DOK6: variants seen among roughly 807,000 people sequenced by gnomAD.
DOK6 encodes docking protein 6, also known as downstream of tyrosine kinase 6.
DOK6 carries 22 observed loss-of-function variants against 44.0 expected under a neutral mutation model. That is an observed-to-expected ratio of 0.50 (90% CI 0.36 to 0.71). The LOEUF (loss-of-function observed/expected upper bound fraction) is 0.71, where lower values mean the gene tolerates loss of function less well. Ranked by LOEUF, DOK6 falls within the 30% of genes least tolerant of loss-of-function variation. The pLI, the probability that DOK6 is intolerant of heterozygous loss-of-function variation, is 0.00. For synonymous variants in DOK6, 166 were observed against 145.5 expected (o/e 1.14, Z -1.01); for missense variants, 340 against 416.4 (o/e 0.82, Z 1.60).
At chr18:69,466,081 A>G (rs1201136409) in intron 1 of DOK6, among the ~76,000 whole-genome samples, 1 of 152,168 alleles carries the variant, frequency 6.6e-6, no homozygotes, top group East Asian at 1.9e-4. Flanking sequence ...TATTAACTGT[A>G]GTTACCATGC....
intron 1 of DOK6, among the ~76,000 whole-genome samples, chr18:69,507,302 C>T (rs1486149326): frequency 2.6e-5 from 4 of 152,120 alleles, no homozygotes; most frequent in Non-Finnish European, 5.9e-5. Flanking sequence ...GCTGGGATTA[C>T]AGGCGTGAGC....
chr18:69,629,797 G>C (rs888342712), intron 3 of DOK6, among the ~76,000 whole-genome samples: 2 of 125,728 alleles, frequency 1.6e-5, no homozygotes, highest in African/African-American at 3.0e-5. Context: ...TTGTTTGTTT[G>C]TTTGTTTGTT....
rs368378407 is a variant in DOK6 at position 69,418,888 on chromosome 18, C to CT, written c.66+17585dup. Among the ~76,000 whole-genome samples, 355 of 152,116 alleles carry CT rather than the reference C, an allele frequency of 2.3e-3. 3 individuals carry two copies. The highest frequency in any genetic ancestry group is 8.2e-3 in the African/African-American group (339 of 41,510). ...CTAAGAAATAGTAGTGGGGAAAAAACTTTTTTTGCCTAAGTACATGTATTT... is the reference window on the plus strand; with the variant it reads ...CTAAGAAATAGTAGTGGGGAAAAAACTTTTTTTTGCCTAAGTACATGTATTT... On this transcript the variant is annotated intron_variant, in intron 1 of 7. Transcript: ENST00000382713.
intron 3 of DOK6, among the ~76,000 whole-genome samples, chr18:69,641,146 C>T (rs976402404): frequency 1.3e-5 from 2 of 150,920 alleles, no homozygotes; most frequent in African/African-American, 4.9e-5. Context: ...ACCTGGGAGG[C>T]GGATGTTGCA....
chr18:69,758,773 G>T (rs1438990792), intron 7 of DOK6, among the ~76,000 whole-genome samples: 2 of 152,292 alleles, frequency 1.3e-5, no homozygotes, highest in South Asian at 4.1e-4. Flanking sequence ...GTATGACCAA[G>T]TATGACCCTC....
chr18:69,624,034 C>T (rs969882116), intron 3 of DOK6, among the ~76,000 whole-genome samples: 3 of 152,182 alleles, frequency 2.0e-5, no homozygotes, highest in Non-Finnish European at 2.9e-5. Context: ...TGGCTCTACA[C>T]AACTTCCTCT....
At chr18:69,517,294 C>T (rs967505743) in intron 1 of DOK6, among the ~76,000 whole-genome samples, 3 of 152,054 alleles carry the variant, frequency 2.0e-5, no homozygotes, top group Non-Finnish European at 4.4e-5. Flanking sequence ...CTCCATATGA[C>T]CATGTGAAAC....
At chr18:69,563,678 C>A (rs1277906893) in intron 1 of DOK6, among the ~76,000 whole-genome samples, 2 of 151,310 alleles carry the variant, frequency 1.3e-5, no homozygotes, top group East Asian at 3.9e-4. Context: ...GGAAGGATAG[C>A]ATTAGGAGAT....
intron 2 of DOK6, among the ~76,000 whole-genome samples, chr18:69,571,556 T>C (rs1334271361): frequency 6.6e-6 from 1 of 151,876 alleles, no homozygotes; most frequent in African/African-American, 2.4e-5. Context: ...GCCATGAAAA[T>C]AGTAATCATA....
intron 2 of DOK6, among the ~76,000 whole-genome samples, chr18:69,574,077 A>C (rs761202283): frequency 8.6e-5 from 13 of 151,986 alleles, no homozygotes; most frequent in Non-Finnish European, 1.6e-4. Context: ...GGGAATTGCT[A>C]TTAAGCCCAA....
intron 4 of DOK6, among the ~76,000 whole-genome samples, chr18:69,694,041 A>G (rs960376727): frequency 1.5e-5 from 2 of 129,984 alleles, no homozygotes; most frequent in South Asian, 5.4e-4. Flanking sequence ...CCTGGGCGAC[A>G]GAGCGAGACT....
intron 7 of DOK6, among the ~76,000 whole-genome samples, chr18:69,780,891 C>A (rs933602193): frequency 4.6e-5 from 7 of 152,048 alleles, no homozygotes; most frequent in African/African-American, 1.7e-4. Context: ...TCAATGGACA[C>A]CAAGATGTGG....
intron 1 of DOK6, 62 bp downstream of exon 1, chr18:69,401,372 G>C (rs533047144): frequency 8.8e-5 from 126 of 1,429,300 alleles, no homozygotes; most frequent in East Asian, 8.0e-4. Flanking sequence ...GGCTGCCTGG[G>C]GGGGGGGCAG....
chr18:69,707,410 G>A (rs1986658457), intron 5 of DOK6, among the ~76,000 whole-genome samples: 1 of 152,192 alleles, frequency 6.6e-6, no homozygotes, highest in African/African-American at 2.4e-5. Context: ...TAAGAGGCAA[G>A]AGCTTTACCG....
intron 1 of DOK6, among the ~76,000 whole-genome samples, chr18:69,409,721 C>T (rs533267779): frequency 6.6e-6 from 1 of 152,238 alleles, no homozygotes; most frequent in East Asian, 1.9e-4. Context: ...TTCCCCAAAA[C>T]TATAAAAACT....
At chr18:69,673,235 T>TATA (rs1985848237) in intron 3 of DOK6, among the ~76,000 whole-genome samples, 1 of 151,992 alleles carries the variant, frequency 6.6e-6, no homozygotes, top group Admixed American at 6.6e-5. Context: ...TGTGTGTATA[T>TATA]ATATATATAT....
Position 69,549,204 on chromosome 18 carries a change from C to T in DOK6, c.67-15283C>T, listed in dbSNP as rs148342276. On this transcript the variant is annotated intron_variant, in intron 1 of 7. Transcript: ENST00000382713. ...TTAAATGTTAGTGAATGACTTGCTT[C>T]TTAGATGCATTTAGCTATTTGCCAA... Among the ~76,000 whole-genome samples, 51 of 151,262 alleles carry T rather than the reference C, an allele frequency of 3.4e-4. No individual in the cohort carries two copies. In the East Asian group the frequency reaches 9.7e-3, roughly 29 times the overall value.
At chr18:69,822,666 C>A (rs1320438680) in intron 7 of DOK6, among the ~76,000 whole-genome samples, 1 of 152,138 alleles carries the variant, frequency 6.6e-6, no homozygotes, top group East Asian at 1.9e-4. Flanking sequence ...CTTGACATAT[C>A]CTCAAAAAGA....
chr18:69,475,706 A>G (rs1207985130), intron 1 of DOK6, among the ~76,000 whole-genome samples: 4 of 152,188 alleles, frequency 2.6e-5, no homozygotes, highest in African/African-American at 9.7e-5. Context: ...TTGAAAAGTC[A>G]TCGTTCACTT....
Sources: gnomAD v4.1 joint callset for allele counts (sites outside exome capture counted in the v4.1 genomes callset) on GRCh38, gnomAD v4.1.1 for gene constraint, MANE v1.5 for transcripts, NCBI Gene and HGNC (gene_info 2026-07-23, HGNC 2026-07-21) for gene names.